COMMD10: variants seen among roughly 807,000 people sequenced by gnomAD.
COMMD10 encodes the protein COMM domain containing 10, also known as COMM domain-containing protein 10.
COMMD10 carries 33 observed loss-of-function variants against 28.9 expected under a neutral mutation model. That is an observed-to-expected ratio of 1.14 (90% CI 0.87 to 1.53). The LOEUF (loss-of-function observed/expected upper bound fraction) is 1.53, where lower values mean the gene tolerates loss of function less well. COMMD10 is among the 40% of genes most tolerant of loss of function. The pLI is 0.00. For missense variants in COMMD10, 310 were observed against 233.4 expected (o/e 1.33, Z -2.14); for synonymous variants, 110 against 81.7 (o/e 1.35, Z -1.87).
intron 4 of COMMD10, 43 bp from the exon 5 acceptor site, chr5:116,134,025 C>A: frequency 1.8e-6 from 2 of 1,111,300 alleles, no homozygotes; most frequent in Non-Finnish European, 2.8e-6. Context: ...CTGTTTTCTT[C>A]CTTCTGTACC....
At chr5:116,207,282 A>G (rs1748837452) in intron 5 of COMMD10, among the ~76,000 whole-genome samples, 1 of 152,168 alleles carries the variant, frequency 6.6e-6, no homozygotes, top group South Asian at 2.1e-4. Context: ...TATGAACTGC[A>G]TTGTGTTTTA....
intron 4 of COMMD10, among the ~76,000 whole-genome samples, chr5:116,121,950 G>T (rs1939938466): frequency 6.6e-6 from 1 of 152,110 alleles, no homozygotes; most frequent in South Asian, 2.1e-4. Flanking sequence ...CACTCTGATG[G>T]TAGTTTCTTT....
At chr5:116,141,033 G>A (rs1561626194) in intron 5 of COMMD10, among the ~76,000 whole-genome samples, 1 of 151,668 alleles carries the variant, frequency 6.6e-6, no homozygotes, top group South Asian at 2.1e-4. Context: ...CTTTTTCTCT[G>A]TGCTTTCTTC....
intron 5 of COMMD10, among the ~76,000 whole-genome samples, chr5:116,226,455 G>A (rs1226096666): frequency 2.8e-5 from 4 of 140,872 alleles, no homozygotes; most frequent in Non-Finnish European, 6.1e-5. Context: ...TTATATTTCA[G>A]CTGATGGACT....
At chr5:116,254,425 G>A (rs539688851) in intron 5 of COMMD10, among the ~76,000 whole-genome samples, 4 of 151,078 alleles carry the variant, frequency 2.6e-5, no homozygotes, top group Non-Finnish European at 2.9e-5. Flanking sequence ...GCTTTCTCTT[G>A]TGGGCATTTA....
intron 4 of COMMD10, among the ~76,000 whole-genome samples, chr5:116,093,383 A>G (rs1199522892): frequency 6.6e-6 from 1 of 152,180 alleles, no homozygotes; most frequent in Admixed American, 6.5e-5. Context: ...GGAGAGGTGG[A>G]CAGCCTTGCT....
intron 5 of COMMD10, among the ~76,000 whole-genome samples, chr5:116,288,385 A>G (rs1751276732): frequency 6.6e-6 from 1 of 151,688 alleles, no homozygotes; most frequent in South Asian, 2.1e-4. Flanking sequence ...TCTGTCTTTG[A>G]CTTTACACAG....
In COMMD10 at chr5:116,292,936, C is replaced by G. The variant is rs149637446; in HGVS notation, c.*447C>G. The G allele has an allele frequency of 7.9e-4, 313 of 396,482 alleles. No individual in the cohort carries two copies. The highest frequency in any genetic ancestry group is 5.9e-3 in the African/African-American group (287 of 48,616). The allele number at this position is 396,482 out of a possible 1,614,324, so 24.6% of individuals were successfully genotyped here. A position where few individuals can be genotyped will look rare whatever the true frequency, so the allele number is the denominator to read the frequency against. ...AAATAGCCATATACAATCAAATACA[C>G]TATGGCATTTTTATTTGAATATGAT... On this transcript the variant is annotated 3_prime_UTR_variant, in exon 7 of 7. Transcript: ENST00000274458.
intron 4 of COMMD10, among the ~76,000 whole-genome samples, chr5:116,106,225 C>T (rs115405790): frequency 0.021 from 3,138 of 151,884 alleles, 104 homozygotes; most frequent in African/African-American, 0.07. Flanking sequence ...TTTATTTTTG[C>T]TTTTATTTCG....
At chr5:116,277,304 A>G (rs757459525) in intron 5 of COMMD10, among the ~76,000 whole-genome samples, 1 of 151,908 alleles carries the variant, frequency 6.6e-6, no homozygotes, top group Non-Finnish European at 1.5e-5. Flanking sequence ...AATATGCATC[A>G]TTTGTTCACT....
chr5:116,209,136 G>C (rs1338917881), intron 5 of COMMD10, among the ~76,000 whole-genome samples: 1 of 149,348 alleles, frequency 6.7e-6, no homozygotes, highest in Admixed American at 6.6e-5. Context: ...TTTTCTTTTT[G>C]TTTGTAGTTT....
intron 5 of COMMD10, 68 bp from the exon 6 acceptor site, chr5:116,291,449 C>G: frequency 9.1e-7 from 1 of 1,093,766 alleles, no homozygotes; most frequent in Admixed American, 1.9e-5. Context: ...CTGAGGTTAG[C>G]TGGAGAGAAA....
intron 5 of COMMD10, among the ~76,000 whole-genome samples, chr5:116,171,198 A>ATGTCTG: frequency 6.6e-6 from 1 of 152,350 alleles, no homozygotes; most frequent in South Asian, 2.1e-4. Flanking sequence ...AAAAGAAGAC[A>ATGTCTG]TTTATGCAGC....
chr5:116,114,827 G>C (rs189606304), intron 4 of COMMD10, among the ~76,000 whole-genome samples: 1 of 152,132 alleles, frequency 6.6e-6, no homozygotes, highest in Non-Finnish European at 1.5e-5. Context: ...TAGTTTAGTC[G>C]GACTGGGTAG....
intron 5 of COMMD10, among the ~76,000 whole-genome samples, chr5:116,148,268 T>A (rs1294216291): frequency 6.6e-6 from 1 of 151,922 alleles, no homozygotes; most frequent in African/African-American, 2.4e-5. Context: ...TAGTTTAGAA[T>A]GTCTTTTAAA....
intron 4 of COMMD10, among the ~76,000 whole-genome samples, chr5:116,120,427 A>G (rs908859904): frequency 1.3e-5 from 2 of 152,124 alleles, no homozygotes; most frequent in Non-Finnish European, 2.9e-5. Flanking sequence ...CGGTTGCACT[A>G]AAATCTCAGA....
intron 5 of COMMD10, among the ~76,000 whole-genome samples, chr5:116,187,978 T>A (rs1450949418): frequency 6.6e-6 from 1 of 152,186 alleles, no homozygotes; most frequent in Non-Finnish European, 1.5e-5. Context: ...ACAGCTTTTC[T>A]TTTTCAAGTA....
At chr5:116,107,542 T>C (rs1480340801) in intron 4 of COMMD10, among the ~76,000 whole-genome samples, 2 of 152,240 alleles carry the variant, frequency 1.3e-5, no homozygotes, top group African/African-American at 4.8e-5. Flanking sequence ...TCATTTATGT[T>C]CTTCTCTAAT....
chr5:116,215,008 A>C (rs1049654863), intron 5 of COMMD10, among the ~76,000 whole-genome samples: 1 of 152,108 alleles, frequency 6.6e-6, no homozygotes, highest in Non-Finnish European at 1.5e-5. Flanking sequence ...CTATGCAAAT[A>C]GAGGATTTTC....
Sources: allele counts gnomAD v4.1 joint callset (sites outside exome capture counted in the v4.1 genomes callset), GRCh38; gene constraint gnomAD v4.1.1; transcripts MANE v1.5; gene names NCBI Gene and HGNC (gene_info 2026-07-23, HGNC 2026-07-21).